The following LRIF1 variants were observed in gnomAD, a reference collection of about 807,000 sequenced individuals.
LRIF1 encodes the protein ligand dependent nuclear receptor interacting factor 1.
In LRIF1, 32 loss-of-function variants were observed where a neutral mutation model predicts 52.7. The ratio of observed to expected loss-of-function variants is 0.61; its 90% CI spans 0.46 to 0.82. The LOEUF is 0.82. Ranked by LOEUF, LRIF1 falls within the 40% of genes least tolerant of loss-of-function variation. LRIF1 has a pLI of 0.00. For synonymous variants in LRIF1, 323 were observed against 317.4 expected (o/e 1.02, Z -0.19); for missense variants, 887 against 892.0 (o/e 0.99, Z 0.07).
At chr1:110,896,373 C>G in the LRIF1 span, among the ~76,000 whole-genome samples, 1 of 152,130 alleles carries the variant, frequency 6.6e-6, no homozygotes, top group Non-Finnish European at 1.5e-5. Flanking sequence ...GGGTGGTCAG[C>G]CTAATCCCTC....
In LRIF1 at chr1:110,951,699, C is replaced by T. The variant is rs370898647; in HGVS notation, c.1185G>A (p.Thr395=). 171 of 1,613,880 alleles carry T rather than the reference C, an allele frequency of 1.1e-4. No homozygotes were observed. The highest frequency in any genetic ancestry group is 1.3e-4 in the Non-Finnish European group (156 of 1,180,024). Residue 395 remains threonine, a synonymous_variant, in exon 2 of 4, where the codon ACG becomes ACA. Transcript: ENST00000369763. ...VSPDTPVRKD[T]LQTVSSSPVT... ...CTGGACTTGAACTCACTGTCTGTAA[C>T]GTGTCTTTTCTTACTGGAGTATCAG...
At chr1:110,897,124 T>C in the LRIF1 span, among the ~76,000 whole-genome samples, 1 of 152,214 alleles carries the variant, frequency 6.6e-6, no homozygotes, top group Non-Finnish European at 1.5e-5. Flanking sequence ...TCCTTGGAGA[T>C]GGCAGAATCC....
chr1:110,885,654 G>A, the LRIF1 span, among the ~76,000 whole-genome samples: 1 of 152,038 alleles, frequency 6.6e-6, no homozygotes, highest in African/African-American at 2.4e-5. Flanking sequence ...CCTGAGGTCA[G>A]GAGTTCGAGA....
the LRIF1 span, among the ~76,000 whole-genome samples, chr1:110,911,359 A>T: frequency 5.3e-5 from 8 of 152,124 alleles, no homozygotes; most frequent in South Asian, 1.5e-3. Flanking sequence ...TTATTTTTTT[A>T]AAATCCCTAT....
At chr1:110,898,469 C>T in the LRIF1 span, among the ~76,000 whole-genome samples, 2 of 151,770 alleles carry the variant, frequency 1.3e-5, no homozygotes, top group African/African-American at 4.8e-5. Context: ...ACAAAAAAGC[C>T]ACCAAGCAGA....
At position 110,963,605 on chromosome 1, in the gene LRIF1, C is replaced by G. The variant is rs1659059081; in HGVS notation, c.68+16G>C. 23 of 1,600,570 alleles carry G rather than the reference C, an allele frequency of 1.4e-5. No individual in the cohort carries two copies. The highest frequency in any genetic ancestry group is 1.9e-5 in the Non-Finnish European group (22 of 1,169,734). On this transcript the variant is annotated intron_variant, in intron 1 of 3. Transcript: ENST00000369763. ...CAGAGGGGCAGCCGTGGGGAGGATT[C>G]GAAACCGGTACTTACCAACGCGAGG...
At chr1:110,922,024 T>G in the LRIF1 span, among the ~76,000 whole-genome samples, 1 of 152,208 alleles carries the variant, frequency 6.6e-6, no homozygotes, top group Admixed American at 6.5e-5. Context: ...TTTCTTTATG[T>G]TTATGACTTG....
the LRIF1 span, chr1:110,880,313 A>T: frequency 1.1e-4 from 17 of 152,230 alleles, no homozygotes; most frequent in African/African-American, 3.9e-4. Flanking sequence ...ATGTGGCAAA[A>T]GTAGTGACAA....
At chr1:110,942,505 C>T (rs943284047), downstream of LRIF1, among the ~76,000 whole-genome samples, 15 of 151,990 alleles carry the variant, frequency 9.9e-5, no homozygotes, top group African/African-American at 3.4e-4. Context: ...AGCTGTAGGA[C>T]ACTGGTAGAA....
At chr1:110,897,940 C>A in the LRIF1 span, 1 of 1,087,744 alleles carries the variant, frequency 9.2e-7, no homozygotes, top group South Asian at 1.3e-5. Flanking sequence ...TGAGTTAAGT[C>A]AGGTAAGATT....
At chr1:110,893,410 C>T in the LRIF1 span, among the ~76,000 whole-genome samples, 1 of 152,172 alleles carries the variant, frequency 6.6e-6, no homozygotes, top group Non-Finnish European at 1.5e-5. Flanking sequence ...ACAGCCTCCG[C>T]CTCCCGGGTT....
At position 110,948,005 on chromosome 1, in the gene LRIF1, T is replaced by G. The variant is rs776908021; in HGVS notation, c.2264A>C (p.Lys755Thr). 6.3e-7 allele frequency: 1 copy of G among 1,598,612 alleles called. No individual in the cohort carries two copies. The highest frequency in any genetic ancestry group is 8.5e-7 in the Non-Finnish European group (1 of 1,174,322). The change falls in exon 4 of 4, where the codon AAA becomes ACA. Residue 755 changes from lysine (K) to threonine (T), a missense_variant. Lys to Thr is a moderately conservative substitution (Grantham distance 78). Transcript: ENST00000369763. ...IRRLKQVLRE[K>T]EAALEEMRKK... ...ACGCATTTCTTCAAGAGCTGCTTCTTTCTCTCTCAGCACCTGCTTAAGTCT... is the reference window on the plus strand; with the variant it reads ...ACGCATTTCTTCAAGAGCTGCTTCTGTCTCTCTCAGCACCTGCTTAAGTCT...
the LRIF1 span, among the ~76,000 whole-genome samples, chr1:110,928,900 C>T: frequency 0.035 from 5,301 of 152,228 alleles, 295 homozygotes; most frequent in African/African-American, 0.12. Flanking sequence ...TTGCCATCTA[C>T]TTTGAGTGAG....
the LRIF1 span, among the ~76,000 whole-genome samples, chr1:110,902,845 C>A: frequency 3.9e-5 from 6 of 152,172 alleles, no homozygotes; most frequent in African/African-American, 1.2e-4. Context: ...CCTCATAGGA[C>A]CTGCTGTTAA....
chr1:110,881,099 G>A, the LRIF1 span, among the ~76,000 whole-genome samples: 1 of 152,136 alleles, frequency 6.6e-6, no homozygotes, highest in Non-Finnish European at 1.5e-5. Flanking sequence ...TGATGGACAG[G>A]AGCAAATTAG....
chr1:110,894,482 G>A, the LRIF1 span: 1 of 1,060,546 alleles, frequency 9.4e-7, no homozygotes. Flanking sequence ...CAAAGTTACA[G>A]AATAAGTTCT....
At chr1:110,921,460 A>G in the LRIF1 span, among the ~76,000 whole-genome samples, 1 of 152,186 alleles carries the variant, frequency 6.6e-6, no homozygotes, top group Non-Finnish European at 1.5e-5. Flanking sequence ...TAAAGGTCCA[A>G]CTTTTTTAAA....
chr1:110,893,921 G>T, the LRIF1 span, among the ~76,000 whole-genome samples: 4 of 152,122 alleles, frequency 2.6e-5, no homozygotes, highest in South Asian at 4.1e-4. Flanking sequence ...GCTCCTCTCA[G>T]CCACTACCAG....
intron 1 of LRIF1, among the ~76,000 whole-genome samples, chr1:110,956,553 A>G (rs1444181989): frequency 1.3e-5 from 2 of 152,238 alleles, no homozygotes; most frequent in Non-Finnish European, 2.9e-5. Flanking sequence ...ACTCAGCTAG[A>G]AATACAGGAA....
Sources: gnomAD v4.1 joint callset for allele counts (sites outside exome capture counted in the v4.1 genomes callset) on GRCh38, gnomAD v4.1.1 for gene constraint, MANE v1.5 for transcripts, NCBI Gene and HGNC (gene_info 2026-07-23, HGNC 2026-07-21) for gene names.